The following AGT variants were observed in gnomAD, a reference collection of about 807,000 sequenced individuals.
AGT encodes the protein angiotensinogen, also known as alpha-1 antiproteinase, antitrypsin.
Under a neutral mutation model 28.1 loss-of-function variants are expected in AGT, and 26 were observed. The observed-to-expected ratio is 0.92, with a 90% CI of 0.68 to 1.28. AGT has a LOEUF of 1.28. AGT is among the 50% of genes most tolerant of loss of function. AGT has a pLI of 0.00. For missense variants in AGT, 596 were observed against 592.3 expected, an observed-to-expected ratio of 1.01 and a Z score of -0.06; for synonymous variants, 259 against 259.6, an observed-to-expected ratio of 1.00 and a Z score of 0.02.
intron 1 of AGT, among the ~76,000 whole-genome samples, chr1:230,732,408 G>T (rs1273938611): frequency 6.6e-6 from 1 of 151,986 alleles, no homozygotes; most frequent in Non-Finnish European, 1.5e-5. Context: ...CCAAGAGCAG[G>T]GTAGGGCTGG....
At chr1:230,731,494 C>T (rs1664061034) in intron 1 of AGT, among the ~76,000 whole-genome samples, 1 of 152,196 alleles carries the variant, frequency 6.6e-6, no homozygotes, top group Non-Finnish European at 1.5e-5. Context: ...TGGCTGCTGC[C>T]CTTCTCTCTA....
chr1:230,710,038 A>C lies in AGT; in HGVS notation c.786T>G (p.Ser262Arg). 1.2e-6 allele frequency: 2 copies of C among 1,614,076 alleles called. No individual in the cohort carries two copies. Among genetic ancestry groups the C allele is most frequent in the Non-Finnish European group, 1.7e-6 (2 of 1,179,980 alleles). The change falls in exon 2 of 5, where the codon AGT (serine) becomes AGG (arginine). Residue 262 changes from serine to arginine, a missense_variant. Transcript: ENST00000366667. ...TGTTGAAAGCCAGGGTGCTGTCCAC[A>C]CTGGCTCCCATCAGGGAGCAGCCAG... is the stretch of plus-strand genomic sequence containing the variant. ...WKTGCSLMGASVDSTLAFNTY... is the reference protein window; with the variant it reads ...WKTGCSLMGARVDSTLAFNTY...
At chr1:230,733,854 G>A (rs969115173) in intron 1 of AGT, among the ~76,000 whole-genome samples, 2 of 151,998 alleles carry the variant, frequency 1.3e-5, no homozygotes, top group Admixed American at 6.6e-5. Flanking sequence ...CCACTTCCAC[G>A]TGGCTGTCTT....
At chr1:230,726,925 T>G (rs572383183) in intron 1 of AGT, among the ~76,000 whole-genome samples, 17 of 152,272 alleles carry the variant, frequency 1.1e-4, no homozygotes, top group Admixed American at 1.0e-3. Flanking sequence ...TAAGAAGACG[T>G]CTGGGCTAGC....
intron 1 of AGT, among the ~76,000 whole-genome samples, chr1:230,731,861 C>T (rs1664075827): frequency 6.6e-6 from 1 of 151,914 alleles, no homozygotes; most frequent in African/African-American, 2.4e-5. Flanking sequence ...AGTGAGACTC[C>T]ATCTCAAAAA....
chr1:230,705,863 C>G (rs1663368754), intron 3 of AGT, 70 bp downstream of exon 3: 1 of 1,594,568 alleles, frequency 6.3e-7, no homozygotes, highest in East Asian at 2.2e-5. Context: ...GTGTCTACTC[C>G]CCACCCCGCC....
chr1:230,726,227 C>T (rs1379223162), intron 1 of AGT, among the ~76,000 whole-genome samples: 1 of 152,106 alleles, frequency 6.6e-6, no homozygotes, highest in Non-Finnish European at 1.5e-5. Context: ...ACTTTATATG[C>T]AATGTTCCAT....
At chr1:230,709,861 C>A in intron 2 of AGT, 134 bp downstream of exon 2, 1 of 1,343,976 alleles carries the variant, frequency 7.4e-7, no homozygotes, top group Non-Finnish European at 1.1e-6. Context: ...GCCACTTCCC[C>A]ACTTCTCAAG....
At chr1:230,712,097 C>G (rs1443707480) in intron 1 of AGT, among the ~76,000 whole-genome samples, 1 of 152,178 alleles carries the variant, frequency 6.6e-6, no homozygotes, top group African/African-American at 2.4e-5. Context: ...ACATCTCACT[C>G]ATTTCTTGTG....
At chr1:230,703,542 C>T (rs61751073) in intron 4 of AGT, among the ~76,000 whole-genome samples, 47 of 152,062 alleles carry the variant, frequency 3.1e-4, no homozygotes, top group Middle Eastern at 3.4e-3. Context: ...TAATTGGCCA[C>T]AATGGCCAAA....
At chr1:230,723,250 A>T (rs1663880796) in intron 1 of AGT, among the ~76,000 whole-genome samples, 1 of 151,994 alleles carries the variant, frequency 6.6e-6, no homozygotes, top group Non-Finnish European at 1.5e-5. Flanking sequence ...GCCATGCAGA[A>T]CTGTGAGCCA....
At chr1:230,733,241 C>T (rs1364054321) in intron 1 of AGT, among the ~76,000 whole-genome samples, 2 of 152,038 alleles carry the variant, frequency 1.3e-5, no homozygotes, top group Non-Finnish European at 2.9e-5. Context: ...CGAGATTGCG[C>T]CATTGCACTC....
chr1:230,740,053 T>C (rs927291326), intron 1 of AGT, among the ~76,000 whole-genome samples: 1 of 152,214 alleles, frequency 6.6e-6, no homozygotes, highest in East Asian at 1.9e-4. Flanking sequence ...GGGTGGATTA[T>C]TCATGAGTTT....
chr1:230,706,448 C>T (rs891109047), intron 2 of AGT, among the ~76,000 whole-genome samples: 4 of 152,214 alleles, frequency 2.6e-5, no homozygotes, highest in Non-Finnish European at 4.4e-5. Flanking sequence ...AGACACACAA[C>T]ATGCCAGGCA....
At chr1:230,709,900 G>T (rs1266611547) in intron 2 of AGT, 95 bp downstream of exon 2, 6 of 1,556,360 alleles carry the variant, frequency 3.9e-6, no homozygotes, top group Admixed American at 3.3e-5. Context: ...CCGCAGGGCT[G>T]CCCCCTGCCC....
intron 1 of AGT, among the ~76,000 whole-genome samples, chr1:230,744,611 G>T (rs936090493): frequency 2.6e-5 from 4 of 152,170 alleles, no homozygotes; most frequent in African/African-American, 9.7e-5. Context: ...CTACTCTGAG[G>T]CATGTTTGTT....
chr1:230,722,076 C>T lies in AGT; in HGVS notation c.-30-11223G>A, dbSNP rs115038716. Among the ~76,000 whole-genome samples the T allele has an allele frequency of 8.5e-3, 1,288 of 152,350 alleles. 12 individuals are homozygous for T. Among genetic ancestry groups the T allele is most frequent in the Non-Finnish European group, 9.7e-3 (659 of 68,036 alleles). The stretch of plus-strand genomic sequence containing the variant: ...TGGTTTTGTGGGCAGGCCTAGGGCC[C>T]GCCTGCTCTGTGCAGCCTCTGGACT... On this transcript the variant is annotated intron_variant, in intron 1 of 4. Transcript: ENST00000681269.
intron 2 of AGT, among the ~76,000 whole-genome samples, chr1:230,709,442 A>C (rs2102789870): frequency 6.6e-6 from 1 of 152,196 alleles, no homozygotes; most frequent in Admixed American, 6.5e-5. Context: ...TCAATAAAAA[A>C]AAAAAAAAAA....
intron 1 of AGT, among the ~76,000 whole-genome samples, chr1:230,719,628 C>T (rs536236136): frequency 2.0e-5 from 3 of 152,032 alleles, no homozygotes; most frequent in Non-Finnish European, 4.4e-5. Flanking sequence ...AGGGTGGTCT[C>T]GATCTCCTGA....
Sources: allele counts gnomAD v4.1 joint callset (sites outside exome capture counted in the v4.1 genomes callset), GRCh38; gene constraint gnomAD v4.1.1; transcripts MANE v1.5; gene names NCBI Gene and HGNC (gene_info 2026-07-23, HGNC 2026-07-21).